The following CCDC141 variants were observed in gnomAD, a reference collection of about 807,000 sequenced individuals.
CCDC141 encodes coiled-coil domain-containing protein 141.
Under a neutral mutation model 181.0 loss-of-function variants are expected in CCDC141, and 168 were observed. That is an observed-to-expected ratio of 0.93 (90% CI 0.82 to 1.05). CCDC141 has a LOEUF of 1.05. Among genes scored for constraint, CCDC141 ranks in the 50% least tolerant of loss-of-function variants. CCDC141 has a pLI of 0.00. For missense variants in CCDC141, 1,902 were observed against 1,788.5 expected (o/e 1.06, Z -1.14); for synonymous variants, 666 against 642.3 (o/e 1.04, Z -0.56).
At chr2:178,959,504 CAATTTTA>C (rs1690303632) in intron 5 of CCDC141, among the ~76,000 whole-genome samples, 5 of 152,210 alleles carry the variant, frequency 3.3e-5, no homozygotes, top group Admixed American at 3.3e-4. Context: ...AGTTGTCTTA[CAATTTTA>C]AGTTGTTTCG....
At chr2:179,025,888 G>A (rs533512287) in intron 2 of CCDC141, among the ~76,000 whole-genome samples, 185 of 152,178 alleles carry the variant, frequency 1.2e-3, no homozygotes, top group Admixed American at 4.5e-3. Context: ...TTAGCAAAGA[G>A]ATTGGTGGTA....
At chr2:178,914,443 A>T (rs1193111560) in intron 7 of CCDC141, among the ~76,000 whole-genome samples, 1 of 152,176 alleles carries the variant, frequency 6.6e-6, no homozygotes, top group Non-Finnish European at 1.5e-5. Context: ...CTGTCTCAAC[A>T]TCGCCACCTG....
chr2:179,015,763 A>C (rs967202129), intron 2 of CCDC141, among the ~76,000 whole-genome samples: 47 of 133,610 alleles, frequency 3.5e-4, no homozygotes, highest in Non-Finnish European at 4.1e-4. Flanking sequence ...TCTCATATAT[A>C]TCATATATAT....
At chr2:178,934,728 T>G (rs1689220254) in intron 6 of CCDC141, among the ~76,000 whole-genome samples, 1 of 152,172 alleles carries the variant, frequency 6.6e-6, no homozygotes, top group African/African-American at 2.4e-5. Context: ...ACTTACTGAG[T>G]AGACTAACAA....
At chr2:179,005,863 GC>G (rs2042110334) in intron 2 of CCDC141, among the ~76,000 whole-genome samples, 1 of 152,110 alleles carries the variant, frequency 6.6e-6, no homozygotes, top group Non-Finnish European at 1.5e-5. Flanking sequence ...ACCCACCTTG[GC>G]CTCCCAAAGT....
chr2:179,035,050 A>C (rs1189466886), intron 2 of CCDC141, among the ~76,000 whole-genome samples: 2 of 152,176 alleles, frequency 1.3e-5, no homozygotes, highest in Admixed American at 1.3e-4. Flanking sequence ...TTCCTGGAAG[A>C]ACTAAATACC....
intron 23 of CCDC141, among the ~76,000 whole-genome samples, chr2:178,834,902 ATTGC>A (rs1451708411): frequency 6.6e-6 from 1 of 151,548 alleles, no homozygotes; most frequent in African/African-American, 2.4e-5. Context: ...TGGCGAGAGA[ATTGC>A]TTTGACTGGC....
At chr2:179,040,976 A>C (rs11686501) in intron 2 of CCDC141, among the ~76,000 whole-genome samples, 98,856 of 152,086 alleles carry the variant, frequency 0.65, 33,318 homozygotes, top group East Asian at 0.77. Flanking sequence ...TCTACAATTC[A>C]ACAATGATTC....
chr2:179,002,472 A>G, intron 2 of CCDC141: 1 of 409,982 alleles, frequency 2.4e-6, no homozygotes, highest in South Asian at 1.8e-5. Flanking sequence ...AGCTAGCAGA[A>G]TCCACAAACT....
intron 6 of CCDC141, among the ~76,000 whole-genome samples, chr2:178,925,800 C>G (rs1688887354): frequency 6.6e-6 from 1 of 152,002 alleles, no homozygotes; most frequent in African/African-American, 2.4e-5. Flanking sequence ...CATGGACTGA[C>G]CAGGTGGTCC....
In CCDC141 at chr2:178,856,409, TA is replaced by T; in HGVS notation, c.2725-13del. On this transcript the variant is annotated splice_polypyrimidine_tract_variant and intron_variant, in intron 17 of 23. Transcript: ENST00000443758. Reference sequence around the variant, plus strand: ...AATGAGTCTTTGAGCTGTAGTTCAATAAAAAGAAATAGGTGGTTTCCTTAAA... The same window carrying T: ...AATGAGTCTTTGAGCTGTAGTTCAATAAAAGAAATAGGTGGTTTCCTTAAA... 1 of 1,530,448 alleles carries T rather than the reference TA, an allele frequency of 6.5e-7. No homozygotes were observed. Among genetic ancestry groups the T allele is most frequent in the Admixed American group, 1.9e-5 (1 of 51,302 alleles). 94.8% of individuals were successfully genotyped at this position (1,530,448 alleles called of 1,614,324 possible).
intron 14 of CCDC141, among the ~76,000 whole-genome samples, chr2:178,871,111 A>G (rs367722618): frequency 7.9e-5 from 12 of 152,200 alleles, no homozygotes; most frequent in East Asian, 7.7e-4. Flanking sequence ...ACACCTCTGC[A>G]CTCCCAAGGA....
downstream of CCDC141, among the ~76,000 whole-genome samples, chr2:178,828,865 T>G (rs1684166755): frequency 6.6e-6 from 1 of 152,250 alleles, no homozygotes; most frequent in South Asian, 2.1e-4. Flanking sequence ...ATTGCATGTT[T>G]TTTTAAAATG....
At chr2:178,817,686 A>C in the CCDC141 span, 10 of 374,942 alleles carry the variant, frequency 2.7e-5, no homozygotes, top group Non-Finnish European at 4.9e-5. Context: ...TCATACTAAA[A>C]GGAAAAGGAA....
chr2:178,856,237 A>C lies in CCDC141; in HGVS notation c.2865+20T>G. The C allele has an allele frequency of 6.3e-7, 1 of 1,593,380 alleles. No individual in the cohort carries two copies. The highest frequency in any genetic ancestry group is 1.7e-4 in the Middle Eastern group (1 of 5,954). On this transcript the variant is annotated intron_variant, in intron 18 of 23. Transcript: ENST00000443758. ...CATGCATACACATGCGCACATATAC[A>C]AACCATACTTTCTTGTTACCTGCAT...
chr2:178,969,802 C>G (rs1047651857), intron 4 of CCDC141, among the ~76,000 whole-genome samples: 1 of 151,988 alleles, frequency 6.6e-6, no homozygotes, highest in Non-Finnish European at 1.5e-5. Context: ...AAGAAATAAA[C>G]GGTATTCAAA....
intron 2 of CCDC141, among the ~76,000 whole-genome samples, chr2:179,040,178 G>T (rs1368063494): frequency 1.3e-5 from 2 of 152,162 alleles, no homozygotes; most frequent in African/African-American, 4.8e-5. Context: ...CTGGCACATT[G>T]TGGTAAGATC....
At chr2:179,033,120 A>C (rs1481898374) in intron 2 of CCDC141, among the ~76,000 whole-genome samples, 1 of 151,214 alleles carries the variant, frequency 6.6e-6, no homozygotes, top group Non-Finnish European at 1.5e-5. Context: ...ACAAACCAAA[A>C]CAAAAGAAAA....
At chr2:178,885,185 A>C (rs1236220086) in intron 10 of CCDC141, 93 bp from the exon 11 acceptor site, 1 of 735,938 alleles carries the variant, frequency 1.4e-6, no homozygotes, top group Admixed American at 2.9e-5. Flanking sequence ...AATTATGATC[A>C]CTAATTGAAC....
Sources: allele counts gnomAD v4.1 joint callset (sites outside exome capture counted in the v4.1 genomes callset), GRCh38; gene constraint gnomAD v4.1.1; transcripts MANE v1.5; gene names NCBI Gene and HGNC (gene_info 2026-07-23, HGNC 2026-07-21).